The following TBL1Y variants were observed in gnomAD, a reference collection of about 807,000 sequenced individuals.
TBL1Y encodes the protein F-box-like/WD repeat-containing protein TBL1Y.
Under a neutral mutation model 12.0 loss-of-function variants are expected in TBL1Y, and 15 were observed. The observed-to-expected ratio is 1.25, with a 90% CI of 0.83 to 1.92. The LOEUF (loss-of-function observed/expected upper bound fraction) is 1.92, where lower values mean the gene tolerates loss of function less well. TBL1Y is among the 40% of genes most tolerant of loss of function. The pLI is 0.00. For synonymous variants in TBL1Y, 53 were observed against 42.6 expected (o/e 1.24, Z -0.95); for missense variants, 148 against 116.7 (o/e 1.27, Z -1.24).
intron 2 of TBL1Y, among the ~76,000 whole-genome samples, chrY:6,955,686 C>G (rs1007858661): frequency 2.9e-5 from 1 of 34,034 alleles, no homozygotes; most frequent in Non-Finnish European, 7.3e-5. Context: ...CACAGTTGTT[C>G]TGCTATCCAT....
intron 2 of TBL1Y, among the ~76,000 whole-genome samples, chrY:6,938,552 CACA>C (rs2011919762): frequency 1.5e-4 from 5 of 33,845 alleles, no homozygotes; most frequent in African/African-American, 4.6e-4. Context: ...TTTCCATAGG[CACA>C]TATCACTCAG....
At chrY:7,076,075 C>T (rs2013060900) in intron 13 of TBL1Y, among the ~76,000 whole-genome samples, 1 of 31,441 alleles carries the variant, frequency 3.2e-5, no homozygotes, top group Non-Finnish European at 7.7e-5. Context: ...ATTAGAGGCA[C>T]CCGCCACCAC....
chrY:6,989,987 G>T (rs759484267), intron 3 of TBL1Y, among the ~76,000 whole-genome samples: 8 of 33,346 alleles, frequency 2.4e-4, no homozygotes, highest in African/African-American at 9.4e-4. Flanking sequence ...CATTGCTATG[G>T]GTTCCACTAA....
At chrY:7,040,057 A>G (rs938577375) in intron 6 of TBL1Y, among the ~76,000 whole-genome samples, 1 of 34,263 alleles carries the variant, frequency 2.9e-5, no homozygotes, top group Non-Finnish European at 7.2e-5. Context: ...AAATACAACT[A>G]GTAAAGATTT....
At chrY:7,020,989 T>G in intron 4 of TBL1Y, among the ~76,000 whole-genome samples, 1 of 33,509 alleles carries the variant, frequency 3.0e-5, no homozygotes, top group African/African-American at 1.2e-4. Context: ...GCCCCAACAA[T>G]GGGAAACATC....
chrY:6,980,007 G>C (rs2012272986), intron 3 of TBL1Y, among the ~76,000 whole-genome samples: 1 of 33,332 alleles, frequency 3.0e-5, no homozygotes, highest in Non-Finnish European at 7.4e-5. Context: ...TGAGAACTCT[G>C]TCACAAGATA....
At chrY:7,042,479 G>A (rs2012728488) in intron 6 of TBL1Y, among the ~76,000 whole-genome samples, 1 of 28,127 alleles carries the variant, frequency 3.6e-5, no homozygotes, top group Non-Finnish European at 8.2e-5. Flanking sequence ...TGCAACCTCC[G>A]TTTCCCAGGT....
At chrY:6,978,139 C>T in intron 2 of TBL1Y, 74 bp from the exon 3 acceptor site, 1 of 33,932 alleles carries the variant, frequency 2.9e-5, no homozygotes, top group African/African-American at 1.2e-4. Flanking sequence ...TGTGCATGCA[C>T]GTACATGTTG....
At chrY:7,062,905 C>G (rs929465144) in intron 7 of TBL1Y, among the ~76,000 whole-genome samples, 4 of 33,976 alleles carry the variant, frequency 1.2e-4, no homozygotes, top group Admixed American at 2.6e-4. Context: ...ATCGTGGTCC[C>G]GACCACCAAG....
intron 3 of TBL1Y, among the ~76,000 whole-genome samples, chrY:6,986,837 A>G (rs2124131023): frequency 3.1e-5 from 1 of 32,668 alleles, no homozygotes; most frequent in Admixed American, 2.8e-4. Context: ...TGATAAACCC[A>G]TCATAATTTG....
intron 14 of TBL1Y, among the ~76,000 whole-genome samples, chrY:7,084,066 A>G: frequency 3.0e-5 from 1 of 33,396 alleles, no homozygotes. Flanking sequence ...AGAAAGTAAC[A>G]TGACCATACA....
intron 13 of TBL1Y, among the ~76,000 whole-genome samples, chrY:7,077,631 C>A: frequency 3.0e-5 from 1 of 33,806 alleles, no homozygotes; most frequent in Non-Finnish European, 7.3e-5. Context: ...ATGAAACATG[C>A]TCCTGAGGAA....
At chrY:6,946,583 C>T (rs2011986491) in intron 2 of TBL1Y, among the ~76,000 whole-genome samples, 2 of 32,952 alleles carry the variant, frequency 6.1e-5, no homozygotes, top group African/African-American at 2.4e-4. Flanking sequence ...CTCAGCCTCC[C>T]GAGTAGCTGG....
At chrY:6,954,943 T>A in intron 2 of TBL1Y, among the ~76,000 whole-genome samples, 1 of 34,073 alleles carries the variant, frequency 2.9e-5, no homozygotes, top group Non-Finnish European at 7.3e-5. Flanking sequence ...ATCAGTTGGT[T>A]AGTTAGGATG....
chrY:7,082,853 G>T, intron 14 of TBL1Y, among the ~76,000 whole-genome samples: 17 of 33,708 alleles, frequency 5.0e-4, no homozygotes, highest in Admixed American at 4.5e-3. Flanking sequence ...CCCTGTTAAA[G>T]CAGGAGAGGA....
intron 6 of TBL1Y, 49 bp from the exon 7 acceptor site, chrY:7,042,931 T>C: frequency 2.5e-6 from 1 of 397,705 alleles, no homozygotes; most frequent in Non-Finnish European, 3.5e-6. Context: ...TGCGCGTCCC[T>C]CCTTCAATTT....
chrY:6,911,538 C>A, intron 1 of TBL1Y, among the ~76,000 whole-genome samples: 1 of 34,473 alleles, frequency 2.9e-5, no homozygotes, highest in Non-Finnish European at 7.3e-5. Context: ...AGTCGCAAAA[C>A]CGTCAAGGAA....
rs767514646 is a variant in TBL1Y at position 7,071,776 on chromosome Y, C to A, written c.840C>A (p.Phe280Leu). Residue 280 changes from phenylalanine (F) to leucine (L), a missense_variant, in exon 12 of 19, where the codon TTC becomes TTA. By Grantham distance (22) the Phe-to-Leu change is conservative (BLOSUM62 0). Coordinates refer to ENST00000383032, the MANE Select transcript of TBL1Y (RefSeq NM_033284.2). ...TAGGCCAACATAAAGGCCCCATCTT[C>A]GCTCTGAAATGGAACAAAAAGGGGA... is the stretch of plus-strand genomic sequence containing the variant. ...STLGQHKGPI[F>L]ALKWNKKGNY... The A allele has an allele frequency of 2.5e-6, 1 of 397,881 alleles. No individual in the cohort carries two copies. Among genetic ancestry groups the A allele is most frequent in the Non-Finnish European group, 3.5e-6 (1 of 283,230 alleles).
At chrY:7,063,315 C>G in intron 7 of TBL1Y, among the ~76,000 whole-genome samples, 1 of 34,114 alleles carries the variant, frequency 2.9e-5, no homozygotes. Flanking sequence ...ATGGTGAGCG[C>G]ACACTCGGAC....
Sources: gnomAD v4.1 joint callset for allele counts (sites outside exome capture counted in the v4.1 genomes callset) on GRCh38, gnomAD v4.1.1 for gene constraint, MANE v1.5 for transcripts, NCBI Gene and HGNC (gene_info 2026-07-23, HGNC 2026-07-21) for gene names.